The following CSMD2 variants were observed in gnomAD, a reference collection of about 807,000 sequenced individuals.
CSMD2 encodes CUB and Sushi multiple domains 2, also known as CUB and sushi domain-containing protein 2.
Under a neutral mutation model 398.5 loss-of-function variants are expected in CSMD2, and 130 were observed. The observed-to-expected ratio is 0.33, with a 90% CI of 0.28 to 0.38. CSMD2 has a LOEUF of 0.38. Ranked by LOEUF, CSMD2 falls within the 10% of genes least tolerant of loss-of-function variation. CSMD2 has a pLI of 1.00. For missense variants in CSMD2, 3,829 were observed against 4,764.9 expected (o/e 0.80, Z 5.78); for synonymous variants, 1,828 against 1,908.5 (o/e 0.96, Z 1.10).
chr1:34,126,578 C>A (rs935785794), intron 1 of CSMD2, among the ~76,000 whole-genome samples: 3 of 152,036 alleles, frequency 2.0e-5, no homozygotes, highest in African/African-American at 7.3e-5. Flanking sequence ...AAATCTACAC[C>A]CTTTGGGATT....
chr1:33,663,631 T>C (rs1169164057), intron 25 of CSMD2, among the ~76,000 whole-genome samples: 1 of 152,196 alleles, frequency 6.6e-6, no homozygotes, highest in Non-Finnish European at 1.5e-5. Context: ...TAGCTATATG[T>C]AGGCCTGGCT....
intron 2 of CSMD2, among the ~76,000 whole-genome samples, chr1:34,053,622 A>G (rs561244210): frequency 6.6e-6 from 1 of 152,342 alleles, no homozygotes; most frequent in African/African-American, 2.4e-5. Context: ...CAACTTTAGT[A>G]GATGAATTTC....
intron 5 of CSMD2, among the ~76,000 whole-genome samples, chr1:33,847,343 C>A (rs1327039490): frequency 6.6e-6 from 1 of 151,694 alleles, no homozygotes; most frequent in Non-Finnish European, 1.5e-5. Flanking sequence ...ACCTGTAACG[C>A]TTTCTCCTGC....
intron 1 of CSMD2, among the ~76,000 whole-genome samples, chr1:34,105,052 G>A (rs1182905326): frequency 6.6e-6 from 1 of 152,128 alleles, no homozygotes; most frequent in Non-Finnish European, 1.5e-5. Flanking sequence ...TTCGCTCTCC[G>A]CTACCCCCAT....
intron 41 of CSMD2, among the ~76,000 whole-genome samples, chr1:33,607,532 G>A (rs1387524708): frequency 6.6e-6 from 1 of 152,222 alleles, no homozygotes; most frequent in Admixed American, 6.5e-5. Flanking sequence ...AACAGAGAGT[G>A]TGGGCTTATG....
chr1:33,629,893 C>T lies in CSMD2; in HGVS notation c.5201-3312G>A, dbSNP rs419266. On this transcript the variant is annotated intron_variant, in intron 32 of 70. Coordinates refer to ENST00000373381, the MANE Select transcript of CSMD2 (RefSeq NM_001281956.2). ...GAGTGGCTGGGATTACAGGCACCCA[C>T]GACCATGCCCAGTGAATTTTTGTAT... Among the ~76,000 whole-genome samples, 1,328 of 152,142 alleles carry T rather than the reference C, an allele frequency of 8.7e-3. 17 individuals are homozygous for T. Among genetic ancestry groups the T allele is most frequent in the African/African-American group, 0.03 (1,263 of 41,506 alleles).
chr1:33,814,907 C>T (rs540265616), intron 9 of CSMD2, among the ~76,000 whole-genome samples: 1 of 152,266 alleles, frequency 6.6e-6, no homozygotes, highest in South Asian at 2.1e-4. Flanking sequence ...TGATCCTCGC[C>T]TGACCCCTCT....
chr1:33,667,080 A>G (rs758166031), intron 25 of CSMD2, among the ~76,000 whole-genome samples: 3 of 152,206 alleles, frequency 2.0e-5, no homozygotes, highest in Non-Finnish European at 4.4e-5. Context: ...CATAGAGAAT[A>G]CAGCTGATTG....
chr1:33,913,581 C>A (rs975622221), intron 5 of CSMD2, among the ~76,000 whole-genome samples: 1 of 152,138 alleles, frequency 6.6e-6, no homozygotes, highest in South Asian at 2.1e-4. Context: ...TATACTGAGA[C>A]CCATTTTTCA....
At chr1:33,527,112 A>G (rs1557483916) in intron 65 of CSMD2, 84 bp downstream of exon 65, 1 of 1,247,224 alleles carries the variant, frequency 8.0e-7, no homozygotes, top group Non-Finnish European at 1.2e-6. Flanking sequence ...GCACTCAGCA[A>G]CTCTCAGCAA....
intron 5 of CSMD2, chr1:33,863,373 A>C (rs1383038593): frequency 2.0e-5 from 3 of 152,202 alleles, no homozygotes; most frequent in Non-Finnish European, 4.4e-5. Flanking sequence ...CCCTCACATG[A>C]GAGTGGGGAG....
chr1:33,855,179 C>T (rs1349338626), intron 5 of CSMD2, among the ~76,000 whole-genome samples: 1 of 152,198 alleles, frequency 6.6e-6, no homozygotes, highest in Non-Finnish European at 1.5e-5. Context: ...AGGTCTAAAT[C>T]AGGCAGTTCT....
chr1:33,939,707 T>C (rs1644602619), intron 3 of CSMD2, among the ~76,000 whole-genome samples: 1 of 152,170 alleles, frequency 6.6e-6, no homozygotes, highest in Non-Finnish European at 1.5e-5. Flanking sequence ...ATCAGACCAC[T>C]CTGACCTGAT....
At chr1:33,681,733 A>T (rs1486049145) in intron 25 of CSMD2, among the ~76,000 whole-genome samples, 1 of 152,216 alleles carries the variant, frequency 6.6e-6, no homozygotes, top group Non-Finnish European at 1.5e-5. Flanking sequence ...TGGGAGGCCG[A>T]GGCAGGTAGA....
intron 25 of CSMD2, among the ~76,000 whole-genome samples, chr1:33,664,199 CA>C (rs1644235100): frequency 6.6e-6 from 1 of 152,168 alleles, no homozygotes; most frequent in Non-Finnish European, 1.5e-5. Context: ...ACCTGTTCTC[CA>C]GAGCTATTCA....
intron 32 of CSMD2, among the ~76,000 whole-genome samples, chr1:33,627,900 T>A (rs1029379768): frequency 6.6e-6 from 1 of 152,206 alleles, no homozygotes; most frequent in African/African-American, 2.4e-5. Context: ...AGAACCCATG[T>A]CAACTGCAGC....
chr1:33,989,013 CATATATATATATATATATATATATAT>C (rs71029018), intron 3 of CSMD2, among the ~76,000 whole-genome samples: 2,470 of 94,806 alleles, frequency 0.026, 91 homozygotes, highest in Non-Finnish European at 0.039. Context: ...TCTCTCTCTC[CATATATATATATATATATATATATAT>C]ATATATATAT....
At chr1:33,587,278 A>C in intron 44 of CSMD2, 110 bp from the exon 45 acceptor site, 5 of 830,706 alleles carry the variant, frequency 6.0e-6, no homozygotes, top group Non-Finnish European at 9.5e-6. Flanking sequence ...TCACACACAG[A>C]TATTCATGAG....
intron 29 of CSMD2, among the ~76,000 whole-genome samples, chr1:33,642,570 T>C (rs1390504596): frequency 6.6e-6 from 1 of 152,208 alleles, no homozygotes; most frequent in African/African-American, 2.4e-5. Flanking sequence ...TCTGCCATCC[T>C]GATTCCAGTC....
Sources: gnomAD v4.1 joint callset for allele counts (sites outside exome capture counted in the v4.1 genomes callset) on GRCh38, gnomAD v4.1.1 for gene constraint, MANE v1.5 for transcripts, NCBI Gene and HGNC (gene_info 2026-07-23, HGNC 2026-07-21) for gene names.